The following FLT1 variants were observed in gnomAD, a reference collection of about 807,000 sequenced individuals.
FLT1 encodes vascular endothelial growth factor receptor 1.
Under a neutral mutation model 156.3 loss-of-function variants are expected in FLT1, and 49 were observed. That is an observed-to-expected ratio of 0.31 (90% CI 0.25 to 0.40). The LOEUF (loss-of-function observed/expected upper bound fraction) is 0.40. Ranked by LOEUF, FLT1 falls within the 10% of genes least tolerant of loss-of-function variation. The pLI, the probability that FLT1 is intolerant of heterozygous loss-of-function variation, is 1.00. For synonymous variants in FLT1, 594 were observed against 583.8 expected (o/e 1.02, Z -0.25); for missense variants, 1,322 against 1,637.2 (o/e 0.81, Z 3.32).
chr13:28,464,214 C>T (rs191684234), intron 3 of FLT1, among the ~76,000 whole-genome samples: 206 of 152,222 alleles, frequency 1.4e-3, no homozygotes, highest in African/African-American at 3.9e-3. Flanking sequence ...TGAAATACAA[C>T]GCATTTCACA....
intron 3 of FLT1, among the ~76,000 whole-genome samples, chr13:28,441,384 G>A (rs886161220): frequency 6.6e-6 from 1 of 152,082 alleles, no homozygotes; most frequent in Admixed American, 6.6e-5. Flanking sequence ...TCTCATTCCT[G>A]CTCTAAAACT....
chr13:28,370,327 G>T (rs1209474342), intron 14 of FLT1, among the ~76,000 whole-genome samples: 1 of 152,174 alleles, frequency 6.6e-6, no homozygotes, highest in Non-Finnish European at 1.5e-5. Context: ...ATGATGGGGG[G>T]AGAGGGGAAG....
At chr13:28,373,151 C>T (rs956209614) in intron 14 of FLT1, among the ~76,000 whole-genome samples, 2 of 152,148 alleles carry the variant, frequency 1.3e-5, no homozygotes, top group Non-Finnish European at 2.9e-5. Flanking sequence ...CCCATTCAGT[C>T]AGAAGACTGT....
intron 20 of FLT1, among the ~76,000 whole-genome samples, chr13:28,327,221 A>G (rs913559997): frequency 2.6e-5 from 4 of 152,282 alleles, no homozygotes; most frequent in African/African-American, 9.6e-5. Flanking sequence ...AGTGGCTAGT[A>G]GATTTACTCT....
At chr13:28,435,362 G>A (rs1277336569) in intron 4 of FLT1, among the ~76,000 whole-genome samples, 6 of 152,150 alleles carry the variant, frequency 3.9e-5, no homozygotes, top group African/African-American at 1.2e-4. Flanking sequence ...ACTCTGCCTT[G>A]GGATTAAACT....
At chr13:28,479,590 T>G (rs912921312) in intron 1 of FLT1, among the ~76,000 whole-genome samples, 2 of 152,202 alleles carry the variant, frequency 1.3e-5, no homozygotes, top group Non-Finnish European at 2.9e-5. Flanking sequence ...GGAAAAGTAA[T>G]CCATTAAAAG....
At chr13:28,320,885 G>C (rs1871426410) in intron 23 of FLT1, among the ~76,000 whole-genome samples, 1 of 152,130 alleles carries the variant, frequency 6.6e-6, no homozygotes, top group South Asian at 2.1e-4. Flanking sequence ...AAGGAGAAGG[G>C]AGGACATGGG....
At chr13:28,357,780 C>G in intron 14 of FLT1, 95 bp from the exon 15 acceptor site, 1 of 1,176,770 alleles carries the variant, frequency 8.5e-7, no homozygotes, top group South Asian at 1.2e-5. Context: ...ATTATGCATT[C>G]AGACAAGGAA....
chr13:28,449,862 G>A (rs754249302), intron 3 of FLT1, among the ~76,000 whole-genome samples: 1 of 152,118 alleles, frequency 6.6e-6, no homozygotes, highest in Non-Finnish European at 1.5e-5. Flanking sequence ...ACAGCAGATC[G>A]AACAGCAAGA....
In FLT1 at chr13:28,301,395, GT is replaced by G. The variant is rs1870511214; in HGVS notation, c.*1771del. 4.3e-6 allele frequency: 1 copy of G among 233,030 alleles called. No individual in the cohort carries two copies. The highest frequency in any genetic ancestry group is 8.5e-6 in the Non-Finnish European group (1 of 117,986). 14.4% of individuals were successfully genotyped at this position (233,030 alleles called of 1,614,324 possible). A position where few individuals can be genotyped will look rare whatever the true frequency, so the allele number is the denominator to read the frequency against. The stretch of plus-strand genomic sequence containing the variant: ...CCCACTCCTCTCTTCTGGCTAGTGA[GT>G]CTTCCACAAAAGCCGCTGCCAGGAG... On this transcript the variant is annotated 3_prime_UTR_variant, in exon 30 of 30. Transcript: ENST00000282397.
At chr13:28,362,348 G>C (rs919136981) in intron 14 of FLT1, among the ~76,000 whole-genome samples, 55 of 152,208 alleles carry the variant, frequency 3.6e-4, no homozygotes, top group African/African-American at 1.2e-3. Context: ...GCTTTGAGAA[G>C]TATAAGATAT....
intron 11 of FLT1, chr13:28,399,127 C>T: frequency 6.5e-7 from 1 of 1,544,652 alleles, no homozygotes; most frequent in South Asian, 1.2e-5. Context: ...AGCTGGAAGA[C>T]AGGAGAGATC....
rs866860038 is a variant in FLT1 at position 28,494,804 on chromosome 13, G to T, written c.40C>A (p.Leu14Met). 2 of 1,575,254 alleles carry T rather than the reference G, an allele frequency of 1.3e-6. No homozygotes were observed. Among genetic ancestry groups the T allele is most frequent in the African/African-American group, 1.4e-5 (1 of 73,602 alleles). ...YWDTGVLLCALLSCLLLTGSS... is the reference protein window; with the variant it reads ...YWDTGVLLCAMLSCLLLTGSS... ...CCTGTGAGAAGCAGACAGCTGAGCA[G>T]CGCGCACAGCAGGACCCCGGTGTCC... The change falls in exon 1 of 30, where the codon CTG becomes ATG. Residue 14 changes from leucine to methionine, a missense_variant. Leu to Met is a conservative substitution (Grantham distance 15, BLOSUM62 2). Around this residue, in one of 3 missense-constraint regions of FLT1, gnomAD observed 991 missense variants for 1,254.8 expected, o/e 0.79. Transcript: ENST00000282397.
chr13:28,385,929 G>C, intron 13 of FLT1: 2 of 1,051,326 alleles, frequency 1.9e-6, no homozygotes, highest in Non-Finnish European at 1.1e-6. Context: ...GTACTGGATT[G>C]GTAGCTAAAG....
rs751180218 is a variant in FLT1 at position 28,339,186 on chromosome 13, G to T, written c.2470C>A (p.Arg824=). ...PYDASKWEFA[R]ERLKLGKSLG... Reference sequence around the variant, plus strand: ...ATCTTACCCAGTTTAAGTCTCTCCCGGGCAAACTCCCACTTGCTGGCATCA... The same window carrying T: ...ATCTTACCCAGTTTAAGTCTCTCCCTGGCAAACTCCCACTTGCTGGCATCA... The change falls in exon 17 of 30, where the codon CGG becomes AGG. Residue 824 remains arginine (R), a synonymous_variant. Coordinates refer to ENST00000282397, the MANE Select transcript of FLT1 (RefSeq NM_002019.4). 5.0e-6 allele frequency: 8 copies of T among 1,613,930 alleles called. No homozygotes were observed. The highest frequency in any genetic ancestry group is 6.8e-6 in the Non-Finnish European group (8 of 1,179,964).
Position 28,308,745 on chromosome 13 carries a change from C to G in FLT1, c.3720+98G>C, listed in dbSNP as rs1048143217. ...AGCCACTCCTGAATCCAGACCCTCACTGACCAAGAACTACTACATTACTGG... is the reference window on the plus strand; with the variant it reads ...AGCCACTCCTGAATCCAGACCCTCAGTGACCAAGAACTACTACATTACTGG... On this transcript the variant is annotated intron_variant, in intron 28 of 29. Transcript: ENST00000282397. 7.5e-6 allele frequency: 6 copies of G among 804,328 alleles called. No individual in the cohort carries two copies. In the African/African-American group the frequency reaches 1.0e-4, roughly 14 times the overall value. 49.8% of individuals were successfully genotyped at this position (804,328 alleles called of 1,614,324 possible).
At chr13:28,330,681 G>T (rs1309102136) in intron 18 of FLT1, among the ~76,000 whole-genome samples, 2 of 149,428 alleles carry the variant, frequency 1.3e-5, no homozygotes. Context: ...ATAAATCAGA[G>T]ACTTTTTCTC....
intron 16 of FLT1, among the ~76,000 whole-genome samples, chr13:28,340,318 AAGTG>A (rs1157413298): frequency 2.0e-5 from 3 of 152,228 alleles, no homozygotes; most frequent in South Asian, 2.1e-4. Context: ...GTAGGATGTC[AAGTG>A]AGTAAGGCAG....
At chr13:28,456,243 GTAAA>G (rs1399620634) in intron 3 of FLT1, among the ~76,000 whole-genome samples, 1 of 151,712 alleles carries the variant, frequency 6.6e-6, no homozygotes, top group Non-Finnish European at 1.5e-5. Flanking sequence ...AGGTGAATGG[GTAAA>G]TAAACTATGA....
Sources: allele counts gnomAD v4.1 joint callset (sites outside exome capture counted in the v4.1 genomes callset), GRCh38; gene constraint gnomAD v4.1.1; regional missense constraint gnomAD v4.1.1; transcripts MANE v1.5; gene names NCBI Gene and HGNC (gene_info 2026-07-23, HGNC 2026-07-21).